Variants in PVT1 observed in about 807,000 individuals in gnomAD.
PVT1 encodes the protein CXCR4/PVT1 fusion.
chr8:127,960,945 G>A (rs1451393445), intron 3 of PVT1, among the ~76,000 whole-genome samples: 2 of 130,762 alleles, frequency 1.5e-5, no homozygotes, highest in Non-Finnish European at 3.2e-5. Context: ...TTTGGGGGTG[G>A]GGGGGGCGGG....
intron 3 of PVT1, among the ~76,000 whole-genome samples, chr8:127,950,992 G>T (rs1021989148): frequency 6.6e-6 from 1 of 152,164 alleles, no homozygotes; most frequent in Non-Finnish European, 1.5e-5. Flanking sequence ...CCGCCTCCCG[G>T]ATTCAAGCAA....
intron 2 of PVT1, chr8:127,855,155 G>A: frequency 1.0e-5 from 4 of 398,620 alleles, no homozygotes; most frequent in Non-Finnish European, 1.8e-5. Flanking sequence ...CTTCCCTAAG[G>A]ACCATAGCTG....
At chr8:128,037,924 T>C (rs1436776321) in intron 4 of PVT1, among the ~76,000 whole-genome samples, 1 of 152,244 alleles carries the variant, frequency 6.6e-6, no homozygotes, top group Non-Finnish European at 1.5e-5. Flanking sequence ...TTACTGGTTC[T>C]CCTTCCCTGT....
chr8:128,031,413 G>A (rs773426190), intron 4 of PVT1, among the ~76,000 whole-genome samples: 9 of 152,220 alleles, frequency 5.9e-5, no homozygotes, highest in Non-Finnish European at 1.3e-4. Context: ...CTGATCATAG[G>A]TATGGGGTGT....
intron 4 of PVT1, among the ~76,000 whole-genome samples, chr8:128,034,401 G>C (rs908290489): frequency 6.6e-6 from 1 of 152,200 alleles, no homozygotes; most frequent in Non-Finnish European, 1.5e-5. Flanking sequence ...CACCACCTGG[G>C]TGGAGTTGCT....
intron 2 of PVT1, among the ~76,000 whole-genome samples, chr8:127,800,805 A>G (rs1814455386): frequency 1.3e-5 from 2 of 152,216 alleles, no homozygotes; most frequent in African/African-American, 2.4e-5. Context: ...CTTAGGTTAC[A>G]GCTGGGTTAG....
intron 3 of PVT1, among the ~76,000 whole-genome samples, chr8:127,958,810 G>C (rs1323363399): frequency 6.6e-6 from 1 of 152,172 alleles, no homozygotes; most frequent in African/African-American, 2.4e-5. Flanking sequence ...AACAATAGTA[G>C]CACGAATGAT....
intron 2 of PVT1, among the ~76,000 whole-genome samples, chr8:127,873,390 T>G (rs945570125): frequency 6.6e-6 from 1 of 152,210 alleles, no homozygotes; most frequent in Admixed American, 6.5e-5. Context: ...CCCTTCTAAC[T>G]TCTGGAAGCA....
At chr8:127,851,168 G>A (rs1464974454) in intron 2 of PVT1, among the ~76,000 whole-genome samples, 1 of 152,090 alleles carries the variant, frequency 6.6e-6, no homozygotes, top group African/African-American at 2.4e-5. Context: ...ATAAACTTTG[G>A]CAGGTGGGTG....
intron 2 of PVT1, among the ~76,000 whole-genome samples, chr8:127,817,379 A>G (rs1231328594): frequency 2.8e-5 from 3 of 107,164 alleles, no homozygotes; most frequent in African/African-American, 1.2e-4. Context: ...ATTTAAATAT[A>G]TATATCTATT....
chr8:128,074,316 C>T (rs566057337), intron 5 of PVT1, among the ~76,000 whole-genome samples: 61 of 151,732 alleles, frequency 4.0e-4, no homozygotes, highest in African/African-American at 1.5e-3. Context: ...ACCAGCCTGG[C>T]CAATATGGTG....
At chr8:127,906,987 G>A (rs563773056) in intron 3 of PVT1, among the ~76,000 whole-genome samples, 212 of 139,398 alleles carry the variant, frequency 1.5e-3, no homozygotes, top group African/African-American at 5.5e-3. Flanking sequence ...TTGAGACAGA[G>A]TCTTGCTCTG....
chr8:127,794,899 T>G (rs1814376307), intron 1 of PVT1, among the ~76,000 whole-genome samples: 1 of 151,454 alleles, frequency 6.6e-6, no homozygotes, highest in African/African-American at 2.4e-5. Context: ...TGGTGGCGAG[T>G]TTGGGCGTTT....
intron 4 of PVT1, among the ~76,000 whole-genome samples, chr8:128,029,544 G>A (rs1813363735): frequency 6.6e-6 from 1 of 152,062 alleles, no homozygotes; most frequent in Non-Finnish European, 1.5e-5. Context: ...GCTCACGCCT[G>A]TAATCCCAGC....
At chr8:127,989,234 C>T (rs1817003368) in exon 4 of PVT1, 1 of 152,204 alleles carries the variant, frequency 6.6e-6, no homozygotes, top group South Asian at 2.1e-4. Flanking sequence ...TCTGGACGGA[C>T]TTGAGAACTG....
At chr8:128,096,333 C>T (rs1814428579) in intron 5 of PVT1, among the ~76,000 whole-genome samples, 2 of 152,296 alleles carry the variant, frequency 1.3e-5, no homozygotes, top group South Asian at 2.1e-4. Flanking sequence ...AGGAGCCTCT[C>T]GAGGCCTTGG....
At chr8:127,956,156 G>A (rs1816566368) in intron 3 of PVT1, among the ~76,000 whole-genome samples, 1 of 152,218 alleles carries the variant, frequency 6.6e-6, no homozygotes, top group Non-Finnish European at 1.5e-5. Flanking sequence ...CAAGCTCAAG[G>A]GGAAGAGCCT....
chr8:127,819,648 G>A (rs954240766), intron 2 of PVT1, among the ~76,000 whole-genome samples: 6 of 152,074 alleles, frequency 3.9e-5, no homozygotes, highest in Admixed American at 6.6e-5. Flanking sequence ...GGGATAAGTC[G>A]GCTAATGACA....
At chr8:128,050,759 T>TCCTA (rs1813684905) in intron 4 of PVT1, among the ~76,000 whole-genome samples, 1 of 152,188 alleles carries the variant, frequency 6.6e-6, no homozygotes, top group South Asian at 2.1e-4. Flanking sequence ...GTCTAAAGGC[T>TCCTA]CCTACTGGGG....
Sources: gnomAD v4.1 joint callset for allele counts (sites outside exome capture counted in the v4.1 genomes callset) on GRCh38, gnomAD v4.1.1 for gene constraint, MANE v1.5 for transcripts, NCBI Gene and HGNC (gene_info 2026-07-23, HGNC 2026-07-21) for gene names.